The following SH3GL3 variants were observed in gnomAD, a reference collection of about 807,000 sequenced individuals.
The protein encoded by SH3GL3 is SH3 domain containing GRB2 like 3, endophilin A3, also known as endophilin-A3.
Under a neutral mutation model 47.7 loss-of-function variants are expected in SH3GL3, and 33 were observed. The ratio of observed to expected loss-of-function variants is 0.69; its 90% CI spans 0.52 to 0.92. The LOEUF (loss-of-function observed/expected upper bound fraction) is 0.92, where lower values mean the gene tolerates loss of function less well. Ranked by LOEUF, SH3GL3 falls within the 40% of genes least tolerant of loss-of-function variation. The pLI, the probability that SH3GL3 is intolerant of heterozygous loss-of-function variation, is 0.00. For missense variants in SH3GL3, 363 were observed against 417.8 expected (o/e 0.87, Z 1.14); for synonymous variants, 155 against 148.8 (o/e 1.04, Z -0.30).
intron 5 of SH3GL3, among the ~76,000 whole-genome samples, chr15:83,573,500 A>G (rs942437196): frequency 1.6e-4 from 24 of 152,200 alleles, no homozygotes; most frequent in Non-Finnish European, 3.4e-4. Flanking sequence ...AAGCCCAGCA[A>G]GTCTGTGTTT....
At chr15:83,561,551 A>G (rs1426638088) in intron 2 of SH3GL3, among the ~76,000 whole-genome samples, 1 of 152,188 alleles carries the variant, frequency 6.6e-6, no homozygotes, top group Non-Finnish European at 1.5e-5. Context: ...TAGAAGGTAG[A>G]AATCAATATG....
intron 1 of SH3GL3, among the ~76,000 whole-genome samples, chr15:83,478,027 G>C (rs1390848518): frequency 6.6e-6 from 1 of 152,136 alleles, no homozygotes; most frequent in Non-Finnish European, 1.5e-5. Context: ...ACTTTCAGCA[G>C]TGAGAGTATG....
intron 1 of SH3GL3, among the ~76,000 whole-genome samples, chr15:83,460,841 T>C (rs1214109399): frequency 6.6e-6 from 1 of 152,132 alleles, no homozygotes; most frequent in Non-Finnish European, 1.5e-5. Context: ...TCCCAGCACT[T>C]TGGGAGGCCG....
At chr15:83,530,460 G>A (rs1012990979) in intron 1 of SH3GL3, among the ~76,000 whole-genome samples, 28 of 152,106 alleles carry the variant, frequency 1.8e-4, no homozygotes, top group African/African-American at 6.8e-4. Context: ...GGTGTTTCCT[G>A]TCACTTCTCT....
chr15:83,468,081 T>C (rs2040658296), intron 1 of SH3GL3, among the ~76,000 whole-genome samples: 2 of 152,180 alleles, frequency 1.3e-5, no homozygotes, highest in South Asian at 2.1e-4. Context: ...CTGCCCGCCT[T>C]GGCCTCCCAA....
chr15:83,532,339 C>G (rs1201140875), intron 1 of SH3GL3, among the ~76,000 whole-genome samples: 1 of 151,982 alleles, frequency 6.6e-6, no homozygotes, highest in Non-Finnish European at 1.5e-5. Flanking sequence ...CAAAATCATC[C>G]CAGGAGATTA....
chr15:83,531,738 C>T (rs1225389930), intron 1 of SH3GL3, among the ~76,000 whole-genome samples: 1 of 151,886 alleles, frequency 6.6e-6, no homozygotes, highest in African/African-American at 2.4e-5. Context: ...ATGACAGTAG[C>T]CTGGACTGAG....
chr15:83,483,512 C>G (rs976263582), intron 1 of SH3GL3, among the ~76,000 whole-genome samples: 3 of 152,164 alleles, frequency 2.0e-5, no homozygotes, highest in African/African-American at 7.2e-5. Context: ...ATAGCACGGT[C>G]ATCATGAGGA....
intron 1 of SH3GL3, among the ~76,000 whole-genome samples, chr15:83,486,794 G>A (rs756314570): frequency 1.3e-5 from 2 of 152,180 alleles, no homozygotes; most frequent in Non-Finnish European, 2.9e-5. Context: ...TGGAGGCTGG[G>A]AAGTCCAAGA....
At chr15:83,490,827 T>C in intron 1 of SH3GL3, 2 of 1,614,146 alleles carry the variant, frequency 1.2e-6, no homozygotes, top group Non-Finnish European at 1.7e-6. Flanking sequence ...AATCAGAAGA[T>C]GAATGAATGG....
intron 8 of SH3GL3, among the ~76,000 whole-genome samples, chr15:83,594,855 T>C (rs1249780828): frequency 1.3e-5 from 2 of 152,186 alleles, no homozygotes; most frequent in African/African-American, 4.8e-5. Flanking sequence ...AAATCATAGA[T>C]GGCTGGCAAG....
At chr15:83,540,347 T>C (rs1393022472) in intron 1 of SH3GL3, among the ~76,000 whole-genome samples, 1 of 152,192 alleles carries the variant, frequency 6.6e-6, no homozygotes, top group African/African-American at 2.4e-5. Flanking sequence ...TTTCGTCTGC[T>C]TGTTTTATAA....
chr15:83,570,172 T>C lies in SH3GL3; in HGVS notation c.331+1500T>C, dbSNP rs2045745115. ...TATTGCCTTTAAATTTCCAAGCTCC[T>C]GCATTTATTGGAGCTACAGTGCAAT... On this transcript the variant is annotated intron_variant, in intron 4 of 8. Coordinates refer to ENST00000427482, the MANE Select transcript of SH3GL3 (RefSeq NM_003027.5). Among the ~76,000 whole-genome samples, 3 of 152,308 alleles carry C rather than the reference T, an allele frequency of 2.0e-5. No homozygotes were observed. The South Asian group carries it at 6.2e-4, about 32-fold the overall frequency.
At chr15:83,550,711 T>C (rs537918982) in intron 1 of SH3GL3, among the ~76,000 whole-genome samples, 2 of 152,272 alleles carry the variant, frequency 1.3e-5, no homozygotes, top group East Asian at 3.9e-4. Flanking sequence ...TTTTAAAGCC[T>C]CTGAAAATGT....
intron 2 of SH3GL3, among the ~76,000 whole-genome samples, chr15:83,559,742 G>A (rs535510605): frequency 2.0e-4 from 31 of 152,320 alleles, no homozygotes; most frequent in Middle Eastern, 3.4e-3. Flanking sequence ...TGTTGCAGGA[G>A]CTGCATAGCA....
rs138020704 is a variant in SH3GL3 at position 83,591,970 on chromosome 15, G to A, written c.838+3199G>A. 3.3e-5 allele frequency among the ~76,000 whole-genome samples: 5 copies of A among 152,278 alleles called. No individual in the cohort carries two copies. The East Asian group carries it at 9.6e-4, about 29-fold the overall frequency. ...TTACAGCTGTGAGCCACCAGGCCGG[G>A]CCATGTGTATACATTTTTAAAAAAA... On this transcript the variant is annotated intron_variant, in intron 8 of 8. Transcript: ENST00000427482.
downstream of SH3GL3, among the ~76,000 whole-genome samples, chr15:83,622,833 G>A (rs1248898826): frequency 6.6e-6 from 1 of 152,196 alleles, no homozygotes; most frequent in Non-Finnish European, 1.5e-5. Context: ...TTATACCCTT[G>A]CACATCACTT....
rs1222374119 is a variant in SH3GL3 at position 83,618,243 on chromosome 15, T to A, written c.1000T>A (p.Phe334Ile). Residue 334 changes from phenylalanine (F) to isoleucine (I), a missense_variant, in exon 9 of 9, where the codon TTC becomes ATC. By Grantham distance (21) the Phe-to-Ile change is conservative. Transcript: ENST00000427482. ...AATGATACACGGAGAATCGGGATTC[T>A]TCCCCATTAATTACGTGGAAGTGAT... is the stretch of plus-strand genomic sequence containing the variant. ...EGMIHGESGF[F>I]PINYVEVIVP... The A allele has an allele frequency of 6.2e-7, 1 of 1,612,458 alleles. No individual in the cohort carries two copies. The highest frequency in any genetic ancestry group is 1.1e-5 in the South Asian group (1 of 91,060).
chr15:83,461,647 T>C (rs892386847), intron 1 of SH3GL3, among the ~76,000 whole-genome samples: 1 of 152,152 alleles, frequency 6.6e-6, no homozygotes, highest in Non-Finnish European at 1.5e-5. Context: ...TTGATAAAAA[T>C]TTATTTTTTA....
Sources: allele counts gnomAD v4.1 joint callset (sites outside exome capture counted in the v4.1 genomes callset), GRCh38; gene constraint gnomAD v4.1.1; transcripts MANE v1.5; gene names NCBI Gene and HGNC (gene_info 2026-07-23, HGNC 2026-07-21).